NTRK3: variants seen among roughly 807,000 people sequenced by gnomAD.
NTRK3 encodes the protein NT-3 growth factor receptor.
A neutral mutation model predicts 91.7 loss-of-function variants in NTRK3; 24 were observed. That is an observed-to-expected ratio of 0.26 (90% CI 0.19 to 0.37). The LOEUF is 0.37. Ranked by LOEUF, NTRK3 falls within the 10% of genes least tolerant of loss-of-function variation. NTRK3 has a pLI of 1.00. For synonymous variants in NTRK3, 483 were observed against 404.0 expected (o/e 1.20, Z -2.34); for missense variants, 880 against 1,068.9 (o/e 0.82, Z 2.46).
intron 13 of NTRK3, among the ~76,000 whole-genome samples, chr15:88,094,545 C>T (rs964968756): frequency 1.1e-4 from 17 of 151,782 alleles, no homozygotes; most frequent in Non-Finnish European, 2.4e-4. Context: ...AAGCAGACCC[C>T]TCCCACCCTC....
exon 14 of NTRK3, chr15:88,032,877 T>A (rs2078682237): frequency 1.2e-6 from 2 of 1,613,576 alleles, no homozygotes; most frequent in African/African-American, 1.3e-5. Context: ...CTTGTGGCAG[T>A]TGTGTCCCTG....
At position 88,241,469 on chromosome 15, in the gene NTRK3, A is replaced by C. The variant is rs2052345062; in HGVS notation, c.248+14437T>G. On this transcript the variant is annotated intron_variant, in intron 3 of 18. Coordinates refer to ENST00000394480, the Ensembl canonical transcript of NTRK3. This position sits in a 1 kb window ranked among gnomAD's most constrained non-coding sequence, Gnocchi z 4.3. The stretch of plus-strand genomic sequence containing the variant: ...CCCCGGAAAATGAACCCTAGATGCA[A>C]ATCAGGGAGTCATGAGGTCACTCTC... Among the ~76,000 whole-genome samples, 1 of 152,090 alleles carries C rather than the reference A, an allele frequency of 6.6e-6. No individual in the cohort carries two copies. The highest frequency in any genetic ancestry group is 2.1e-4 in the South Asian group (1 of 4,828).
At chr15:88,200,675 C>T (rs2048227892) in intron 3 of NTRK3, among the ~76,000 whole-genome samples, 1 of 152,200 alleles carries the variant, frequency 6.6e-6, no homozygotes, top group African/African-American at 2.4e-5. Context: ...CTGTAAGTTT[C>T]CTGAAGCCTC....
At chr15:87,918,013 G>T (rs1369421) in intron 17 of NTRK3, among the ~76,000 whole-genome samples, 71,534 of 150,788 alleles carry the variant, frequency 0.47, 17,873 homozygotes, top group African/African-American at 0.65. Context: ...TTTTTGTTTT[G>T]TATTTGTTTG....
At chr15:87,975,659 A>C (rs1596482619) in intron 14 of NTRK3, among the ~76,000 whole-genome samples, 1 of 152,106 alleles carries the variant, frequency 6.6e-6, no homozygotes. Flanking sequence ...ATGCCATGAG[A>C]CTTCAACACC....
At chr15:87,863,498 C>T (rs2080109930) in exon 19 of NTRK3, 2 of 217,672 alleles carry the variant, frequency 9.2e-6, no homozygotes, top group Non-Finnish European at 1.8e-5. Context: ...TTTCAGGTGA[C>T]AGGCCTCAAA....
At chr15:88,132,075 A>G (rs2041412707) in intron 10 of NTRK3, 1 of 188,944 alleles carries the variant, frequency 5.3e-6, no homozygotes, top group Non-Finnish European at 1.1e-5. Flanking sequence ...AAAAGCAGGA[A>G]GGTGAAGCAA....
Position 88,136,452 on chromosome 15 carries a change from G to GC in NTRK3, c.765+14dup. The GC allele has an allele frequency of 6.2e-7, 1 of 1,614,088 alleles. No individual in the cohort carries two copies. Among genetic ancestry groups the GC allele is most frequent in the Non-Finnish European group, 8.5e-7 (1 of 1,179,966 alleles). ...TCCCTAGCCTCCTGATGGGGCTGAA[G>GC]CCCAGGATGCCTACCTGGTGAGTGT... is the stretch of plus-strand genomic sequence containing the variant. On this transcript the variant is annotated intron_variant, in intron 8 of 18. Transcript: ENST00000394480.
Position 88,145,002 on chromosome 15 carries a change from G to A in NTRK3, c.464+2333C>T, listed in dbSNP as rs767048942. 2.6e-4 allele frequency among the ~76,000 whole-genome samples: 40 copies of A among 152,050 alleles called. 1 individual carries two copies. Among genetic ancestry groups the A allele is most frequent in the Admixed American group, 2.6e-4 (4 of 15,256 alleles). On this transcript the variant is annotated intron_variant, in intron 6 of 18. Transcript: ENST00000394480. ...ACACTTCTGGCCTGTGGCTTTCCTGGCTCCACAACACACTGAGCCCTTTCT... is the reference window on the plus strand; with the variant it reads ...ACACTTCTGGCCTGTGGCTTTCCTGACTCCACAACACACTGAGCCCTTTCT...
chr15:88,125,739 C>T (rs996850019), intron 13 of NTRK3, among the ~76,000 whole-genome samples: 4 of 152,146 alleles, frequency 2.6e-5, no homozygotes, highest in African/African-American at 9.7e-5. Flanking sequence ...TGGAAGCCAG[C>T]CAGCAGATTT....
At chr15:88,015,165 C>CT (rs1349158585) in intron 14 of NTRK3, among the ~76,000 whole-genome samples, 3 of 152,074 alleles carry the variant, frequency 2.0e-5, no homozygotes, top group Non-Finnish European at 4.4e-5. Context: ...TTTGTTTTAC[C>CT]TTTTTTATTA....
chr15:88,128,641 A>G, intron 11 of NTRK3, 70 bp downstream of exon 11: 2 of 1,499,666 alleles, frequency 1.3e-6, no homozygotes, highest in African/African-American at 2.8e-5. Context: ...AGAGAGGGCT[A>G]TTTGAATTCA....
At chr15:88,041,668 G>A (rs2079625864) in intron 13 of NTRK3, among the ~76,000 whole-genome samples, 1 of 152,182 alleles carries the variant, frequency 6.6e-6, no homozygotes, top group Non-Finnish European at 1.5e-5. Flanking sequence ...CAGCCATGGT[G>A]ACGTGCAAAA....
At chr15:88,248,855 A>T (rs1047399483) in intron 3 of NTRK3, among the ~76,000 whole-genome samples, 2 of 152,220 alleles carry the variant, frequency 1.3e-5, no homozygotes, top group Non-Finnish European at 2.9e-5. Context: ...GCTAGCTGTC[A>T]CTAGTTATGT....
chr15:88,005,280 T>G (rs1374429981), intron 14 of NTRK3, among the ~76,000 whole-genome samples: 1 of 152,102 alleles, frequency 6.6e-6, no homozygotes, highest in African/African-American at 2.4e-5. Flanking sequence ...TGACCCCCAG[T>G]TCATTCAGGA....
intron 3 of NTRK3, among the ~76,000 whole-genome samples, chr15:88,246,983 C>T (rs1402809621): frequency 2.0e-5 from 3 of 152,224 alleles, no homozygotes; most frequent in Non-Finnish European, 4.4e-5. Context: ...GTCTCGTGCG[C>T]CACACTGCCC....
intron 13 of NTRK3, among the ~76,000 whole-genome samples, chr15:88,105,483 C>G (rs1038945615): frequency 1.3e-5 from 2 of 152,196 alleles, no homozygotes; most frequent in Non-Finnish European, 2.9e-5. Context: ...GCTAAGGCCA[C>G]ACAGCCATGC....
chr15:88,065,545 C>A (rs546637854), intron 13 of NTRK3, among the ~76,000 whole-genome samples: 11 of 152,164 alleles, frequency 7.2e-5, no homozygotes, highest in Non-Finnish European at 1.2e-4. Context: ...TGGGCAGATA[C>A]CCCAGAATAT....
chr15:87,894,512 G>T (rs1165588016), intron 17 of NTRK3, among the ~76,000 whole-genome samples: 5 of 152,146 alleles, frequency 3.3e-5, no homozygotes, highest in Non-Finnish European at 5.9e-5. Context: ...ATTCCCTGAT[G>T]GTATGGGGTT....
Sources: allele counts gnomAD v4.1 joint callset (sites outside exome capture counted in the v4.1 genomes callset), GRCh38; gene constraint gnomAD v4.1.1; non-coding constraint Gnocchi (gnomAD v3.1); transcripts MANE v1.5; gene names NCBI Gene and HGNC (gene_info 2026-07-23, HGNC 2026-07-21).